The following WNT5B variants were observed in gnomAD, a reference collection of about 807,000 sequenced individuals.
WNT5B encodes the protein protein Wnt-5b.
Under a neutral mutation model 36.5 loss-of-function variants are expected in WNT5B, and 18 were observed. The observed-to-expected ratio is 0.49, with a 90% CI of 0.34 to 0.73. WNT5B has a LOEUF of 0.73. WNT5B is among the 30% of genes least tolerant of loss of function. WNT5B has a pLI of 0.01. For synonymous variants in WNT5B, 213 were observed against 212.3 expected (o/e 1.00, Z -0.03); for missense variants, 424 against 508.4 (o/e 0.83, Z 1.60).
chr12:1,631,330 G>T lies in WNT5B; in HGVS notation c.-25G>T, dbSNP rs978750553. 6.2e-7 allele frequency: 1 copy of T among 1,613,778 alleles called. No individual in the cohort carries two copies. The highest frequency in any genetic ancestry group is 1.3e-5 in the African/African-American group (1 of 75,058). ...TACTCTGGAAACTGTCAGTCCCAGG[G>T]CACTGGGGAGGGCTGAGGCCGACCA... is the stretch of plus-strand genomic sequence containing the variant. On this transcript the variant is annotated 5_prime_UTR_variant, in exon 2 of 5. Coordinates refer to ENST00000397196, the MANE Select transcript of WNT5B (RefSeq NM_032642.3).
chr12:1,646,086 A>G lies in WNT5B; in HGVS notation c.914A>G (p.Asn305Ser). ...CTGGGCACGCAGGGCCGCCTCTGCAACAAGACCTCGGAGGGCATGGATGGC... is the reference window on the plus strand; with the variant it reads ...CTGGGCACGCAGGGCCGCCTCTGCAGCAAGACCTCGGAGGGCATGGATGGC... ...GSLGTQGRLCNKTSEGMDGCE... is the reference protein window; with the variant it reads ...GSLGTQGRLCSKTSEGMDGCE... The change falls in exon 5 of 5, where the codon AAC (asparagine) becomes AGC (serine). Residue 305 changes from asparagine (N) to serine (S), a missense_variant. Transcript: ENST00000397196. 1.9e-6 allele frequency: 3 copies of G among 1,613,998 alleles called. No homozygotes were observed. The highest frequency in any genetic ancestry group is 2.5e-6 in the Non-Finnish European group (3 of 1,180,046).
chr12:1,624,505 G>C (rs979213286), upstream of WNT5B, among the ~76,000 whole-genome samples: 1 of 151,934 alleles, frequency 6.6e-6, no homozygotes, highest in Admixed American at 6.6e-5. Flanking sequence ...TTCAATTGCT[G>C]TATGAACAAG....
intron 4 of WNT5B, 71 bp from the exon 5 acceptor site, chr12:1,645,723 C>A: frequency 6.8e-7 from 1 of 1,468,106 alleles, no homozygotes; most frequent in Non-Finnish European, 9.2e-7. Flanking sequence ...AGGCCTGTGG[C>A]TACCCCAGCC....
chr12:1,640,978 C>A (rs1163948214), intron 4 of WNT5B, among the ~76,000 whole-genome samples: 2 of 152,208 alleles, frequency 1.3e-5, no homozygotes, highest in Non-Finnish European at 2.9e-5. Flanking sequence ...AAAGAGCTCT[C>A]AGGAAACAGC....
rs1331958231 is a variant in WNT5B at position 1,646,126 on chromosome 12, C to T, written c.954C>T (p.Cys318=). The change falls in exon 5 of 5, where the codon TGC becomes TGT. Residue 318 remains cysteine (C), a synonymous_variant. Coordinates refer to ENST00000397196, the MANE Select transcript of WNT5B (RefSeq NM_032642.3). ...GCATGGATGGCTGTGAGCTCATGTG[C>T]TGCGGGCGTGGCTACAACCAGTTCA... ...SEGMDGCELM[C]CGRGYNQFKS... 9.3e-6 allele frequency: 15 copies of T among 1,613,996 alleles called. No homozygotes were observed. Among genetic ancestry groups the T allele is most frequent in the Non-Finnish European group, 1.2e-5 (14 of 1,180,040 alleles).
intron 1 of WNT5B, 136 bp downstream of exon 1, chr12:1,629,507 C>CGGGCTGGGCAT (rs2094546150): frequency 6.6e-6 from 1 of 152,582 alleles, no homozygotes; most frequent in Non-Finnish European, 1.5e-5. Flanking sequence ...GGGCTGGGCA[C>CGGGCTGGGCAT]GGGCTGGGCA....
chr12:1,623,064 G>A (rs2094535980), intron 1 of WNT5B, among the ~76,000 whole-genome samples: 1 of 152,046 alleles, frequency 6.6e-6, no homozygotes, highest in Non-Finnish European at 1.5e-5. Flanking sequence ...CTAAAGCACA[G>A]CATGAAATCC....
chr12:1,629,609 T>A (rs1040881060), intron 1 of WNT5B, among the ~76,000 whole-genome samples: 1 of 151,954 alleles, frequency 6.6e-6, no homozygotes, highest in African/African-American at 2.4e-5. Context: ...CGGGAAGGAC[T>A]GGTAGGTGGA....
At chr12:1,643,686 C>CTTTTTTTTTT (rs368172169) in intron 4 of WNT5B, among the ~76,000 whole-genome samples, 3 of 97,442 alleles carry the variant, frequency 3.1e-5, no homozygotes, top group Admixed American at 1.4e-4. Context: ...TTTTTGAAAG[C>CTTTTTTTTTT]TTTTTTTTTT....
intron 4 of WNT5B, among the ~76,000 whole-genome samples, chr12:1,642,821 C>G (rs760405927): frequency 5.3e-5 from 8 of 152,184 alleles, no homozygotes; most frequent in Non-Finnish European, 1.0e-4. Flanking sequence ...CCCCTTCCTT[C>G]AGGCCCCACA....
chr12:1,619,580 A>G (rs1410843041), intron 1 of WNT5B, among the ~76,000 whole-genome samples: 1 of 152,166 alleles, frequency 6.6e-6, no homozygotes, highest in Admixed American at 6.5e-5. Flanking sequence ...TTTTTTGGGG[A>G]AGAATGCTAT....
At position 1,632,971 on chromosome 12, in the gene WNT5B, C is replaced by T; in HGVS notation, c.328+66C>T. 1 of 1,544,974 alleles carries T rather than the reference C, an allele frequency of 6.5e-7. No individual in the cohort carries two copies. The highest frequency in any genetic ancestry group is 8.7e-7 in the Non-Finnish European group (1 of 1,143,308). On this transcript the variant is annotated intron_variant, in intron 3 of 4. Transcript: ENST00000397196. This position sits in a 1 kb window ranked among gnomAD's most constrained non-coding sequence, Gnocchi z 5.8. ...CTCGTCTCGTTTGGGAGCAATTAAGCTCTCTCAGGACTGGCACAGGGAGAG... is the reference window on the plus strand; with the variant it reads ...CTCGTCTCGTTTGGGAGCAATTAAGTTCTCTCAGGACTGGCACAGGGAGAG...
chr12:1,623,015 G>A (rs1197911106), intron 1 of WNT5B, among the ~76,000 whole-genome samples: 1 of 151,934 alleles, frequency 6.6e-6, no homozygotes, highest in African/African-American at 2.4e-5. Flanking sequence ...GGGAGAAACA[G>A]GATGGGTTTG....
intron 1 of WNT5B, among the ~76,000 whole-genome samples, chr12:1,619,954 T>A (rs2154439221): frequency 6.6e-6 from 1 of 152,324 alleles, no homozygotes; most frequent in Middle Eastern, 3.4e-3. Flanking sequence ...AAAGGTCACA[T>A]GCCCCATGAG....
rs374148886 is a variant in WNT5B at position 1,646,156 on chromosome 12, C to G, written c.984C>G (p.Ser328Arg). 4 of 1,613,776 alleles carry G rather than the reference C, an allele frequency of 2.5e-6. No homozygotes were observed. The Admixed American group carries it at 6.7e-5, about 27-fold the overall frequency. Residue 328 changes from serine (S) to arginine (R), a missense_variant, in exon 5 of 5, where the codon AGC becomes AGG. Coordinates refer to ENST00000397196, the MANE Select transcript of WNT5B (RefSeq NM_032642.3). ...GGCGTGGCTACAACCAGTTCAAGAGCGTGCAGGTGGAGCGCTGCCACTGCA... is the reference window on the plus strand; with the variant it reads ...GGCGTGGCTACAACCAGTTCAAGAGGGTGCAGGTGGAGCGCTGCCACTGCA... ...CCGRGYNQFKSVQVERCHCKF... is the reference protein window; with the variant it reads ...CCGRGYNQFKRVQVERCHCKF...
chr12:1,624,684 A>C (rs181854237), upstream of WNT5B, among the ~76,000 whole-genome samples: 1 of 152,346 alleles, frequency 6.6e-6, no homozygotes, highest in East Asian at 1.9e-4. Context: ...GTTATCAATC[A>C]AAAGACATTT....
In WNT5B at chr12:1,644,627, C is replaced by T. The variant is rs2094581871; in HGVS notation, c.622-1167C>T. The stretch of plus-strand genomic sequence containing the variant: ...GAAACCCTTGAAAAATGAGTCCTGA[C>T]TCAGTTGGTGACAATAGCCATGCAT... On this transcript the variant is annotated intron_variant, in intron 4 of 4. Coordinates refer to ENST00000397196, the MANE Select transcript of WNT5B (RefSeq NM_032642.3). The surrounding 1 kb of genome is among the most constrained non-coding windows in gnomAD (Gnocchi z 5.1). Among the ~76,000 whole-genome samples the T allele has an allele frequency of 6.6e-6, 1 of 152,126 alleles. No homozygotes were observed. Among genetic ancestry groups the T allele is most frequent in the Non-Finnish European group, 1.5e-5 (1 of 68,016 alleles).
At chr12:1,639,637 C>A in intron 3 of WNT5B, 47 bp from the exon 4 acceptor site, 1 of 1,447,174 alleles carries the variant, frequency 6.9e-7, no homozygotes, top group Middle Eastern at 1.9e-4. Flanking sequence ...GACAGGTCCC[C>A]GGGAGAGGAG....
chr12:1,641,523 C>T (rs892522885), intron 4 of WNT5B, among the ~76,000 whole-genome samples: 4 of 152,078 alleles, frequency 2.6e-5, no homozygotes, highest in African/African-American at 7.2e-5. Flanking sequence ...TCATGAGAGG[C>T]GGGGCACGGT....
Sources: allele counts gnomAD v4.1 joint callset (sites outside exome capture counted in the v4.1 genomes callset), GRCh38; gene constraint gnomAD v4.1.1; non-coding constraint Gnocchi (gnomAD v3.1); transcripts MANE v1.5; gene names NCBI Gene and HGNC (gene_info 2026-07-23, HGNC 2026-07-21).